ITGA8: variants seen among roughly 807,000 people sequenced by gnomAD.
ITGA8 encodes the protein integrin subunit alpha 8.
Under a neutral mutation model 142.3 loss-of-function variants are expected in ITGA8, and 91 were observed. The observed-to-expected ratio is 0.64, with a 90% CI of 0.54 to 0.76. The LOEUF is 0.76. ITGA8 is among the 30% of genes least tolerant of loss of function. ITGA8 has a pLI of 0.00. For synonymous variants in ITGA8, 505 were observed against 485.2 expected (o/e 1.04, Z -0.54); for missense variants, 1,406 against 1,327.7 (o/e 1.06, Z -0.92).
At chr10:15,534,341 T>G (rs535804038) in intron 27 of ITGA8, among the ~76,000 whole-genome samples, 52 of 152,346 alleles carry the variant, frequency 3.4e-4, no homozygotes, top group African/African-American at 1.2e-3. Context: ...AGGTTCACAT[T>G]GTTGTTTAAT....
At chr10:15,608,165 G>C (rs1418478375) in intron 16 of ITGA8, 70 bp downstream of exon 16, 2 of 1,079,616 alleles carry the variant, frequency 1.9e-6, no homozygotes, top group African/African-American at 1.6e-5. Context: ...TTTATGGTCT[G>C]TGCAGAGAAA....
intron 15 of ITGA8, among the ~76,000 whole-genome samples, chr10:15,613,387 C>T (rs1833335007): frequency 6.6e-6 from 1 of 152,088 alleles, no homozygotes; most frequent in Non-Finnish European, 1.5e-5. Flanking sequence ...CTTCTCATCT[C>T]ACCTAGAGCC....
chr10:15,692,742 C>G (rs560182428), intron 2 of ITGA8, among the ~76,000 whole-genome samples: 14 of 152,290 alleles, frequency 9.2e-5, no homozygotes, highest in African/African-American at 3.1e-4. Context: ...GAAACTCAAC[C>G]CAATTATAAC....
intron 2 of ITGA8, among the ~76,000 whole-genome samples, chr10:15,718,022 C>A (rs1461723610): frequency 6.6e-6 from 1 of 152,168 alleles, no homozygotes; most frequent in East Asian, 1.9e-4. Context: ...ATAATATATA[C>A]CTTTTGAATT....
At chr10:15,519,262 A>G (rs771539788) in intron 29 of ITGA8, 28 bp downstream of exon 29, 4 of 1,611,568 alleles carry the variant, frequency 2.5e-6, no homozygotes, top group Non-Finnish European at 8.5e-7. Flanking sequence ...CCTCTAGTTT[A>G]AAAGGAAAAC....
intron 27 of ITGA8, among the ~76,000 whole-genome samples, chr10:15,544,970 C>T (rs2131554637): frequency 6.6e-6 from 1 of 152,280 alleles, no homozygotes; most frequent in South Asian, 2.1e-4. Flanking sequence ...TCCAGCCCCT[C>T]AAGCCTTCAG....
intron 28 of ITGA8, 148 bp from the exon 29 acceptor site, chr10:15,519,560 C>A (rs909666197): frequency 1.2e-6 from 1 of 824,356 alleles, no homozygotes; most frequent in Non-Finnish European, 2.0e-6. Flanking sequence ...AGGTAGCACT[C>A]GAACATGAAC....
intron 13 of ITGA8, among the ~76,000 whole-genome samples, chr10:15,634,959 T>C (rs937577442): frequency 1.3e-5 from 2 of 151,930 alleles, no homozygotes; most frequent in East Asian, 1.9e-4. Flanking sequence ...CAAGAAAACA[T>C]TGAGAAAAAA....
At chr10:15,664,951 T>C (rs1441168134) in intron 8 of ITGA8, among the ~76,000 whole-genome samples, 3 of 152,188 alleles carry the variant, frequency 2.0e-5, no homozygotes, top group Non-Finnish European at 4.4e-5. Context: ...GTCTTTGCTA[T>C]TGTGAATAGA....
chr10:15,695,330 A>T (rs45480192), intron 2 of ITGA8, among the ~76,000 whole-genome samples: 25,174 of 152,086 alleles, frequency 0.17, 2,177 homozygotes, highest in South Asian at 0.21. Flanking sequence ...AAGTCAACAA[A>T]TCACCTTTCT....
intron 2 of ITGA8, among the ~76,000 whole-genome samples, chr10:15,706,688 C>T (rs1033318426): frequency 6.6e-6 from 1 of 152,150 alleles, no homozygotes; most frequent in Non-Finnish European, 1.5e-5. Flanking sequence ...GGTCCTCCTG[C>T]CTTGGTCTTC....
At chr10:15,585,136 A>T (rs746222582) in intron 23 of ITGA8, among the ~76,000 whole-genome samples, 19 of 152,182 alleles carry the variant, frequency 1.2e-4, no homozygotes, top group Non-Finnish European at 2.2e-4. Flanking sequence ...ATGAATCTCA[A>T]AAACATTGGT....
Position 15,597,285 on chromosome 10 carries a change from C to T in ITGA8, c.2133G>A (p.Leu711=). 1 of 1,613,988 alleles carries T rather than the reference C, an allele frequency of 6.2e-7. No individual in the cohort carries two copies. Residue 711 remains leucine, a synonymous_variant, in exon 21 of 30, where the codon CTG becomes CTA. Transcript: ENST00000378076. The part of the protein sequence containing the change: ...IERNNKGFRP[L]SCEYKMENVT... ...CATTTTCCATCTTGTACTCACAGCT[C>T]AGTGGTCGAAATCCCTACAATTGCA...
intron 15 of ITGA8, among the ~76,000 whole-genome samples, chr10:15,609,573 G>A (rs749552317): frequency 2.8e-4 from 42 of 152,076 alleles, no homozygotes; most frequent in African/African-American, 9.2e-4. Context: ...TGTTTATTCC[G>A]CTTCCCCAGA....
At chr10:15,675,528 C>T (rs893806043) in intron 6 of ITGA8, among the ~76,000 whole-genome samples, 2 of 152,214 alleles carry the variant, frequency 1.3e-5, no homozygotes, top group Non-Finnish European at 2.9e-5. Context: ...GAAACTTATA[C>T]AACTTGTTTA....
At chr10:15,684,415 G>A (rs1317646875) in intron 3 of ITGA8, among the ~76,000 whole-genome samples, 1 of 151,570 alleles carries the variant, frequency 6.6e-6, no homozygotes, top group African/African-American at 2.4e-5. Flanking sequence ...CACCCAGGCT[G>A]GAGTGCAGAG....
intron 6 of ITGA8, among the ~76,000 whole-genome samples, chr10:15,673,117 A>G (rs577835901): frequency 6.6e-6 from 1 of 152,212 alleles, no homozygotes; most frequent in African/African-American, 2.4e-5. Context: ...AGAGTCTCGC[A>G]CTATTGCCTG....
At chr10:15,572,729 C>T (rs1834208176) in intron 24 of ITGA8, among the ~76,000 whole-genome samples, 1 of 152,224 alleles carries the variant, frequency 6.6e-6, no homozygotes, top group East Asian at 1.9e-4. Flanking sequence ...TAGTGACTGT[C>T]TCTTTACATT....
chr10:15,635,363 G>A (rs995974092), intron 13 of ITGA8, among the ~76,000 whole-genome samples: 1 of 152,158 alleles, frequency 6.6e-6, no homozygotes, highest in Non-Finnish European at 1.5e-5. Flanking sequence ...ACAGAGCACT[G>A]TGTAAAGGCA....
Sources: allele counts gnomAD v4.1 joint callset (sites outside exome capture counted in the v4.1 genomes callset), GRCh38; gene constraint gnomAD v4.1.1; transcripts MANE v1.5; gene names NCBI Gene and HGNC (gene_info 2026-07-23, HGNC 2026-07-21).